Variants in PRRX1 observed in about 807,000 individuals in gnomAD.
PRRX1 encodes paired mesoderm homeobox protein 1.
In PRRX1, 8 loss-of-function variants were observed where a neutral mutation model predicts 24.0. The observed-to-expected ratio is 0.33, with a 90% CI of 0.20 to 0.60. PRRX1 has a LOEUF of 0.60. Among genes scored for constraint, PRRX1 ranks in the 20% least tolerant of loss-of-function variants. The pLI, the probability that PRRX1 is intolerant of heterozygous loss-of-function variation, is 0.82. For synonymous variants in PRRX1, 160 were observed against 131.7 expected, an observed-to-expected ratio of 1.22 and a Z score of -1.47; for missense variants, 281 against 322.4, an observed-to-expected ratio of 0.87 and a Z score of 0.98.
intron 3 of PRRX1, among the ~76,000 whole-genome samples, chr1:170,733,799 A>C (rs1403562604): frequency 6.6e-6 from 1 of 152,134 alleles, no homozygotes; most frequent in Non-Finnish European, 1.5e-5. Context: ...ATACCCTAGA[A>C]ATTTTTTGAA....
In PRRX1 at chr1:170,737,276, T is replaced by G. The variant is rs1406772033; in HGVS notation, c.*1090T>G. 1 of 183,590 alleles carries G rather than the reference T, an allele frequency of 5.4e-6. No individual in the cohort carries two copies. The highest frequency in any genetic ancestry group is 1.2e-5 in the Non-Finnish European group (1 of 86,338). 11.4% of individuals were successfully genotyped at this position (183,590 alleles called of 1,614,324 possible). On this transcript the variant is annotated 3_prime_UTR_variant, in exon 4 of 4. Transcript: ENST00000239461. ...TCTTATCTCTATAGTGATGAAACAT[T>G]AATTAGGGATCTTGCTGCTTTTCTT...
At chr1:170,707,673 C>T (rs777013717) in intron 1 of PRRX1, among the ~76,000 whole-genome samples, 2 of 152,122 alleles carry the variant, frequency 1.3e-5, no homozygotes, top group African/African-American at 4.8e-5. Context: ...TAATTATACC[C>T]TGTGCCATTT....
intron 1 of PRRX1, among the ~76,000 whole-genome samples, chr1:170,718,494 G>A (rs1308321533): frequency 6.6e-6 from 1 of 152,234 alleles, no homozygotes; most frequent in African/African-American, 2.4e-5. Context: ...AGAGAATCAG[G>A]AGAATTTGCA....
chr1:170,680,678 T>A (rs1476684542), intron 1 of PRRX1, among the ~76,000 whole-genome samples: 1 of 152,238 alleles, frequency 6.6e-6, no homozygotes, highest in Non-Finnish European at 1.5e-5. Flanking sequence ...TGTCATAACA[T>A]CCCATAGTTC....
intron 1 of PRRX1, among the ~76,000 whole-genome samples, chr1:170,680,846 C>T (rs959260716): frequency 3.3e-5 from 5 of 152,160 alleles, no homozygotes; most frequent in Non-Finnish European, 7.3e-5. Flanking sequence ...AAGCATATTG[C>T]TTCCATAGAA....
At chr1:170,671,665 C>T (rs2101885364) in intron 1 of PRRX1, among the ~76,000 whole-genome samples, 1 of 152,308 alleles carries the variant, frequency 6.6e-6, no homozygotes, top group South Asian at 2.1e-4. Flanking sequence ...ATATAAGGTG[C>T]ACACACATGC....
intron 2 of PRRX1, among the ~76,000 whole-genome samples, chr1:170,723,348 C>T (rs572685717): frequency 6.6e-6 from 1 of 150,388 alleles, no homozygotes; most frequent in Non-Finnish European, 1.5e-5. Flanking sequence ...TTCTCCCATA[C>T]CTTGTTATAC....
At chr1:170,699,882 C>T (rs1319853774) in intron 1 of PRRX1, among the ~76,000 whole-genome samples, 1 of 152,022 alleles carries the variant, frequency 6.6e-6, no homozygotes, top group South Asian at 2.1e-4. Flanking sequence ...ATTACAGACG[C>T]CTGCCACCAC....
At chr1:170,679,389 G>GTTTAA (rs1653427809) in intron 1 of PRRX1, among the ~76,000 whole-genome samples, 1 of 152,010 alleles carries the variant, frequency 6.6e-6, no homozygotes, top group Non-Finnish European at 1.5e-5. Context: ...AAGACTAACT[G>GTTTAA]TTTTATTTTA....
At chr1:170,685,221 T>C (rs901668758) in intron 1 of PRRX1, among the ~76,000 whole-genome samples, 2 of 152,254 alleles carry the variant, frequency 1.3e-5, no homozygotes, top group East Asian at 3.9e-4. Context: ...GAGAAGAAAA[T>C]TGGGTCAGAG....
At chr1:170,701,561 G>A (rs1304026670) in intron 1 of PRRX1, among the ~76,000 whole-genome samples, 1 of 152,128 alleles carries the variant, frequency 6.6e-6, no homozygotes, top group African/African-American at 2.4e-5. Context: ...TACAAATTTA[G>A]AGTTTATGAA....
intron 1 of PRRX1, among the ~76,000 whole-genome samples, chr1:170,670,973 C>T (rs1171940866): frequency 7.9e-5 from 12 of 152,100 alleles, no homozygotes; most frequent in Non-Finnish European, 1.5e-5. Context: ...AGCTGTTCCA[C>T]GTAATGAAGA....
At chr1:170,675,033 TA>T (rs1392923640) in intron 1 of PRRX1, among the ~76,000 whole-genome samples, 3 of 152,194 alleles carry the variant, frequency 2.0e-5, no homozygotes, top group African/African-American at 7.2e-5. Flanking sequence ...TCTCTAAAAT[TA>T]AAAAACTGTG....
intron 1 of PRRX1, among the ~76,000 whole-genome samples, chr1:170,684,653 T>C (rs1244760726): frequency 6.6e-6 from 1 of 152,138 alleles, no homozygotes; most frequent in African/African-American, 2.4e-5. Context: ...CTCAGGAGGC[T>C]GAGGCAGGAG....
Position 170,664,437 on chromosome 1 carries a change from C to A in PRRX1, c.219C>A (p.Gly73=). The change falls in exon 1 of 4, where the codon GGC becomes GGA. Residue 73 remains glycine (G), a synonymous_variant. Transcript: ENST00000239461. The part of the protein sequence containing the change: ...SLLESPGLTS[G]SDTPQQDNDQ... ...TGGAGTCGCCGGGACTCACCAGCGG[C>A]AGCGACACCCCGCAGCAGGACAGTG... 6.2e-7 allele frequency: 1 copy of A among 1,606,240 alleles called. No individual in the cohort carries two copies. The highest frequency in any genetic ancestry group is 8.5e-7 in the Non-Finnish European group (1 of 1,176,956).
At chr1:170,713,657 C>T (rs944190119) in intron 1 of PRRX1, among the ~76,000 whole-genome samples, 1 of 152,196 alleles carries the variant, frequency 6.6e-6, no homozygotes, top group African/African-American at 2.4e-5. Context: ...TGACTCATCT[C>T]TTTGATCAAA....
intron 1 of PRRX1, among the ~76,000 whole-genome samples, chr1:170,693,915 G>A (rs1654073636): frequency 6.6e-6 from 1 of 152,022 alleles, no homozygotes; most frequent in Non-Finnish European, 1.5e-5. Context: ...ATGGTTGGGA[G>A]CAATAATTCC....
intron 1 of PRRX1, among the ~76,000 whole-genome samples, chr1:170,689,841 T>TCTCC (rs1553252681): frequency 5.6e-4 from 31 of 55,360 alleles, no homozygotes; most frequent in East Asian, 3.5e-3. Flanking sequence ...TCTCTCTCCC[T>TCTCC]CTCTCTCTCT....
intron 2 of PRRX1, among the ~76,000 whole-genome samples, chr1:170,720,150 T>C (rs1655034217): frequency 6.6e-6 from 1 of 152,112 alleles, no homozygotes; most frequent in East Asian, 1.9e-4. Flanking sequence ...TGATGCTGCG[T>C]GCCTGTGGTC....
Sources: allele counts gnomAD v4.1 joint callset (sites outside exome capture counted in the v4.1 genomes callset), GRCh38; gene constraint gnomAD v4.1.1; transcripts MANE v1.5; gene names NCBI Gene and HGNC (gene_info 2026-07-23, HGNC 2026-07-21).